The following KDM6B variants were observed in gnomAD, a reference collection of about 807,000 sequenced individuals.
KDM6B encodes the protein lysine-specific demethylase 6B.
In KDM6B, 22 loss-of-function variants were observed where a neutral mutation model predicts 150.4. The ratio of observed to expected loss-of-function variants is 0.15; its 90% CI spans 0.10 to 0.21. The LOEUF (loss-of-function observed/expected upper bound fraction) is 0.21, where lower values mean the gene tolerates loss of function less well. Among genes scored for constraint, KDM6B ranks in the 10% least tolerant of loss-of-function variants. KDM6B has a pLI of 1.00. For synonymous variants in KDM6B, 1,148 were observed against 921.1 expected (o/e 1.25, Z -4.46); for missense variants, 1,984 against 2,234.3 (o/e 0.89, Z 2.26).
At position 7,853,360 on chromosome 17, in the gene KDM6B, G is replaced by A. The variant is rs1199277457; in HGVS notation, c.4888G>A (p.Ala1630Thr). 3 of 1,556,904 alleles carry A rather than the reference G, an allele frequency of 1.9e-6. No individual in the cohort carries two copies. The highest frequency in any genetic ancestry group is 1.7e-6 in the Non-Finnish European group (2 of 1,154,750). ...GTACCGCACTGAGGAGCTGGCTCAG[G>A]CCTACGACGCCTTCACGCTGGTGAG... Reference protein sequence around the residue: ...EQYRTEELAQAYDAFTLAPAS... With the variant: ...EQYRTEELAQTYDAFTLAPAS... The change falls in exon 23 of 24, where the codon GCC becomes ACC. Residue 1630 changes from alanine (A) to threonine (T), a missense_variant. Ala to Thr is a moderately conservative substitution (Grantham distance 58). Transcript: ENST00000448097.
chr17:7,848,075 A>G lies in KDM6B; in HGVS notation c.1787A>G (p.Asp596Gly). 4 of 1,610,966 alleles carry G rather than the reference A, an allele frequency of 2.5e-6. No homozygotes were observed. Among genetic ancestry groups the G allele is most frequent in the Non-Finnish European group, 3.4e-6 (4 of 1,179,144 alleles). Reference sequence around the variant, plus strand: ...CCCAGCCCAGCACAGAACCCCCAGGACCCACCTCTTGTACCCCTGACTCTT... The same window carrying G: ...CCCAGCCCAGCACAGAACCCCCAGGGCCCACCTCTTGTACCCCTGACTCTT... ...RPPSPAQNPQ[D>G]PPLVPLTLAL... is the part of the protein sequence containing the mutation. The change falls in exon 12 of 24, where the codon GAC (aspartate) becomes GGC (glycine). Residue 596 changes from aspartate (D) to glycine (G), a missense_variant. Physicochemically the swap from Asp to Gly is moderately conservative, Grantham distance 94 (BLOSUM62 -1). This residue lies in a region of KDM6B where 1,379 missense variants were observed against 1,275.6 expected (regional missense o/e 1.08). Coordinates refer to ENST00000448097, the MANE Select transcript of KDM6B (RefSeq NM_001348716.2).
chr17:7,853,596 A>G lies in KDM6B; in HGVS notation c.*75A>G. ...ACCAGCACATGCCTGGGCTGGACCT[A>G]GGTCCCGCCTGTGGCCGAGAAGGGG... is the stretch of plus-strand genomic sequence containing the variant. On this transcript the variant is annotated 3_prime_UTR_variant, in exon 24 of 24. Transcript: ENST00000448097. 8.4e-7 allele frequency: 1 copy of G among 1,184,888 alleles called. No homozygotes were observed. Among genetic ancestry groups the G allele is most frequent in the Admixed American group, 4.2e-5 (1 of 23,550 alleles). 73.4% of individuals were successfully genotyped at this position (1,184,888 alleles called of 1,614,324 possible).
Position 7,848,540 on chromosome 17 carries a change from TCACCAC to T in KDM6B, c.2280_2285del (p.Thr761_Thr762del), listed in dbSNP as rs59627144. 0.097 allele frequency: 152,922 copies of T among 1,575,442 alleles called. 6,521 individuals carry two copies. Among genetic ancestry groups the T allele is most frequent in the East Asian group, 0.25 (11,072 of 43,528 alleles). ...ACCACTACTGCTCCTGCTGTCGCCG[TCACCAC>T]CACCACCACCACCACCACCACCACC... On this transcript the variant is annotated inframe_deletion, in exon 12 of 24. Transcript: ENST00000448097.
intron 5 of KDM6B, 87 bp downstream of exon 5, chr17:7,845,778 C>T (rs897391870): frequency 1.9e-6 from 3 of 1,602,720 alleles, no homozygotes; most frequent in East Asian, 2.2e-5. Context: ...GGGTTCCTGT[C>T]ATTCTGTGGG....
Position 7,853,517 on chromosome 17 carries a change from G to C in KDM6B, c.4928G>C (p.Arg1643Pro). The C allele has an allele frequency of 6.7e-7, 1 of 1,501,830 alleles. No individual in the cohort carries two copies. Among genetic ancestry groups the C allele is most frequent in the Non-Finnish European group, 8.8e-7 (1 of 1,132,142 alleles). The allele number at this position is 1,501,830 out of a possible 1,614,324, so 93.0% of individuals were successfully genotyped here. The change falls in exon 24 of 24, where the codon CGA becomes CCA. Residue 1643 changes from arginine (R) to proline (P), a missense_variant. Physicochemically the swap from Arg to Pro is moderately radical, Grantham distance 103 (BLOSUM62 -2). Coordinates refer to ENST00000448097, the MANE Select transcript of KDM6B (RefSeq NM_001348716.2). ...CCCCAGGCCCCAGCCAGCACGTCGC[G>C]ATGAGGCCGGACGCCCCGCCCGCCT... ...AFTLAPASTS[R>P]
At chr17:7,836,415 G>A (rs1183191445) in intron 1 of KDM6B, among the ~76,000 whole-genome samples, 1 of 152,208 alleles carries the variant, frequency 6.6e-6, no homozygotes, top group Non-Finnish European at 1.5e-5. Context: ...CTCCGCCCTG[G>A]AACAGCGCGG....
At position 7,849,278 on chromosome 17, in the gene KDM6B, G is replaced by C; in HGVS notation, c.2990G>C (p.Arg997Pro). Residue 997 changes from arginine (R) to proline (P), a missense_variant, in exon 12 of 24, where the codon CGG becomes CCG. Arg to Pro is a moderately radical substitution (Grantham distance 103). Transcript: ENST00000448097. ...GCCTGTAAGGACAGTGTGGGTCGTC[G>C]GCCCCGTGAGGGCAGGGCAAAGGCC... ...RRACKDSVGRRPREGRAKAKA... is the reference protein window; with the variant it reads ...RRACKDSVGRPPREGRAKAKA... 1.3e-6 allele frequency: 2 copies of C among 1,555,326 alleles called. No individual in the cohort carries two copies. The highest frequency in any genetic ancestry group is 1.7e-6 in the Non-Finnish European group (2 of 1,149,274).
At chr17:7,840,837 C>A (rs2078403432) in intron 2 of KDM6B, among the ~76,000 whole-genome samples, 1 of 152,206 alleles carries the variant, frequency 6.6e-6, no homozygotes, top group Non-Finnish European at 1.5e-5. Context: ...TATGAAGAAC[C>A]TATGACTTCT....
intron 2 of KDM6B, among the ~76,000 whole-genome samples, chr17:7,842,955 A>C (rs2078448252): frequency 6.6e-6 from 1 of 151,886 alleles, no homozygotes; most frequent in African/African-American, 2.4e-5. Flanking sequence ...GTGTGTGTTT[A>C]GTGTACAGGA....
Position 7,848,202 on chromosome 17 carries a change from C to T in KDM6B, c.1914C>T (p.Pro638=), listed in dbSNP as rs780722788. Residue 638 remains proline (P), a synonymous_variant, in exon 12 of 24, where the codon CCC becomes CCT. Coordinates refer to ENST00000448097, the MANE Select transcript of KDM6B (RefSeq NM_001348716.2). ...PRPRVSFPKT[P]EVGPGPPPGP... ...CCAGGGTCTCCTTCCCAAAGACCCC[C>T]GAGGTGGGGCCGGGGCCACCCCCAG... 79 of 1,611,360 alleles carry T rather than the reference C, an allele frequency of 4.9e-5. No individual in the cohort carries two copies. The Middle Eastern group carries it at 5.0e-4, about 10-fold the overall frequency.
In KDM6B at chr17:7,849,078, G is replaced by C; in HGVS notation, c.2790G>C (p.Arg930=). The C allele has an allele frequency of 6.2e-7, 1 of 1,612,406 alleles. No homozygotes were observed. The highest frequency in any genetic ancestry group is 1.7e-5 in the Admixed American group (1 of 60,016). ...ACETLVERVG[R]SATDPADPVD... Reference sequence around the variant, plus strand: ...AGACCCTTGTGGAGCGGGTGGGCCGGAGTGCCACTGACCCAGCCGACCCAG... The same window carrying C: ...AGACCCTTGTGGAGCGGGTGGGCCGCAGTGCCACTGACCCAGCCGACCCAG... Residue 930 remains arginine (R), a synonymous_variant, in exon 12 of 24, where the codon CGG becomes CGC. Coordinates refer to ENST00000448097, the MANE Select transcript of KDM6B (RefSeq NM_001348716.2).
Position 7,848,827 on chromosome 17 carries a change from G to A in KDM6B, c.2539G>A (p.Ala847Thr), listed in dbSNP as rs544407908. Residue 847 changes from alanine to threonine, a missense_variant, in exon 12 of 24, where the codon GCC becomes ACC. This residue lies in a region of KDM6B where 1,379 missense variants were observed against 1,275.6 expected (regional missense o/e 1.08). Transcript: ENST00000448097. ...YSPGPPSGAT[A>T]LPPTSAAPSA... Reference sequence around the variant, plus strand: ...CCCTGGCCCCCCATCAGGTGCTACCGCCCTGCCGCCCACCTCAGCGGCCCC... The same window carrying A: ...CCCTGGCCCCCCATCAGGTGCTACCACCCTGCCGCCCACCTCAGCGGCCCC... The A allele has an allele frequency of 3.2e-4, 523 of 1,612,152 alleles. 6 individuals are homozygous for A. In the South Asian group the frequency reaches 5.3e-3, roughly 16 times the overall value.
Position 7,847,374 on chromosome 17 carries a change from C to T in KDM6B, c.1179C>T (p.Leu393=). The T allele has an allele frequency of 2.5e-6, 4 of 1,613,022 alleles. No homozygotes were observed. The highest frequency in any genetic ancestry group is 3.3e-5 in the Admixed American group (2 of 60,020). Residue 393 remains leucine (L), a synonymous_variant, in exon 11 of 24, where the codon CTC becomes CTT. Transcript: ENST00000448097. ...ACGCCCCTTCCCGGCCCCCTGGCCT[C>T]CCCGGCACCACCACCAGCAGCAGCA... The part of the protein sequence containing the change: ...VPYAPSRPPG[L]PGTTTSSSSS...
In KDM6B at chr17:7,848,756, C is replaced by T; in HGVS notation, c.2468C>T (p.Ala823Val). The change falls in exon 12 of 24, where the codon GCA becomes GTA. Residue 823 changes from alanine to valine, a missense_variant. By Grantham distance (64) the Ala-to-Val change is moderately conservative (BLOSUM62 0). Transcript: ENST00000448097. ...AAGTACTGTTATCGGGGGACTGGAGCAGCTGTTTCCACCCGGCCTGGGCCC... is the reference window on the plus strand; with the variant it reads ...AAGTACTGTTATCGGGGGACTGGAGTAGCTGTTTCCACCCGGCCTGGGCCC... ...GQKYCYRGTG[A>V]AVSTRPGPLP... 6.2e-7 allele frequency: 1 copy of T among 1,612,898 alleles called. No homozygotes were observed.
In KDM6B at chr17:7,848,852, C is replaced by T; in HGVS notation, c.2564C>T (p.Pro855Leu). Residue 855 changes from proline (P) to leucine (L), a missense_variant, in exon 12 of 24, where the codon CCT becomes CTT. Physicochemically the swap from Pro to Leu is moderately conservative, Grantham distance 98. This residue lies in a region of KDM6B where 1,379 missense variants were observed against 1,275.6 expected (regional missense o/e 1.08). Transcript: ENST00000448097. ...ATALPPTSAA[P>L]SAQGSPQPSA... ...GCCCTGCCGCCCACCTCAGCGGCCC[C>T]TAGCGCCCAGGGCTCCCCACAGCCC... 6.2e-7 allele frequency: 1 copy of T among 1,611,878 alleles called. No individual in the cohort carries two copies.
rs763945392 is a variant in KDM6B, at chr17:7,848,771, G to A, written c.2483G>A (p.Arg828Gln). The change falls in exon 12 of 24, where the codon CGG becomes CAG. Residue 828 changes from arginine to glutamine, a missense_variant. Physicochemically the swap from Arg to Gln is conservative, Grantham distance 43. Coordinates refer to ENST00000448097, the MANE Select transcript of KDM6B (RefSeq NM_001348716.2). ...YRGTGAAVST[R>Q]PGPLPTTQYS... ...GGGACTGGAGCAGCTGTTTCCACCCGGCCTGGGCCCTTGCCCACCACTCAG... is the reference window on the plus strand; with the variant it reads ...GGGACTGGAGCAGCTGTTTCCACCCAGCCTGGGCCCTTGCCCACCACTCAG... 19 of 1,612,666 alleles carry A rather than the reference G, an allele frequency of 1.2e-5. No individual in the cohort carries two copies. Among genetic ancestry groups the A allele is most frequent in the East Asian group, 2.2e-5 (1 of 44,896 alleles).
In KDM6B at chr17:7,852,622, G is replaced by C. The variant is rs202039918; in HGVS notation, c.4596G>C (p.Leu1532Phe). The change falls in exon 21 of 24, where the codon TTG becomes TTC. Residue 1532 changes from leucine (L) to phenylalanine (F), a missense_variant. Transcript: ENST00000448097. ...CGGTCAAAATCAGCGACCCCGACTTGTTCAAGATGATCAAGTGAGGACCCT... is the reference window on the plus strand; with the variant it reads ...CGGTCAAAATCAGCGACCCCGACTTCTTCAAGATGATCAAGTGAGGACCCT... ...ARTVKISDPD[L>F]FKMIKFCLLQ... The C allele has an allele frequency of 6.2e-7, 1 of 1,613,960 alleles. No individual in the cohort carries two copies. The highest frequency in any genetic ancestry group is 8.5e-7 in the Non-Finnish European group (1 of 1,180,042).
chr17:7,850,842 G>T (rs1017080434), intron 14 of KDM6B, among the ~76,000 whole-genome samples, 179 bp from the exon 15 acceptor site: 1 of 152,210 alleles, frequency 6.6e-6, no homozygotes, highest in Non-Finnish European at 1.5e-5. Context: ...GCAGATAGAG[G>T]CCAGCACTCC....
chr17:7,849,419 C>T lies in KDM6B; in HGVS notation c.3131C>T (p.Ala1044Val), dbSNP rs2078644582. 5.6e-6 allele frequency: 9 copies of T among 1,611,894 alleles called. No homozygotes were observed. Among genetic ancestry groups the T allele is most frequent in the Non-Finnish European group, 6.8e-6 (8 of 1,179,642 alleles). ...SRPDLGGASKAKPPTAPAPPS... is the reference protein window; with the variant it reads ...SRPDLGGASKVKPPTAPAPPS... Reference sequence around the variant, plus strand: ...CCCGATCTTGGCGGGGCCTCCAAGGCCAAGCCACCCACAGCTCCAGCCCCT... The same window carrying T: ...CCCGATCTTGGCGGGGCCTCCAAGGTCAAGCCACCCACAGCTCCAGCCCCT... Residue 1044 changes from alanine (A) to valine (V), a missense_variant, in exon 12 of 24, where the codon GCC becomes GTC. Coordinates refer to ENST00000448097, the MANE Select transcript of KDM6B (RefSeq NM_001348716.2).
Sources: gnomAD v4.1 joint callset for allele counts (sites outside exome capture counted in the v4.1 genomes callset) on GRCh38, gnomAD v4.1.1 for gene constraint, gnomAD v4.1.1 regional missense constraint, MANE v1.5 for transcripts, NCBI Gene and HGNC (gene_info 2026-07-23, HGNC 2026-07-21) for gene names.